Variants in ZFYVE9 observed in about 807,000 individuals in gnomAD.
ZFYVE9 encodes zinc finger FYVE-type containing 9.
In ZFYVE9, 43 loss-of-function variants were observed where a neutral mutation model predicts 126.7. The observed-to-expected ratio is 0.34, with a 90% CI of 0.27 to 0.44. The LOEUF is 0.44. Ranked by LOEUF, ZFYVE9 falls within the 20% of genes least tolerant of loss-of-function variation. The pLI is 1.00. For missense variants in ZFYVE9, 1,476 were observed against 1,697.0 expected (o/e 0.87, Z 2.29); for synonymous variants, 521 against 597.4 (o/e 0.87, Z 1.87).
At chr1:52,344,367 C>T (rs1646466220) in intron 17 of ZFYVE9, among the ~76,000 whole-genome samples, 1 of 152,226 alleles carries the variant, frequency 6.6e-6, no homozygotes, top group Non-Finnish European at 1.5e-5. Flanking sequence ...AATAAAGCAG[C>T]TGGGTCACGT....
At chr1:52,229,207 G>A (rs1217646142) in intron 2 of ZFYVE9, among the ~76,000 whole-genome samples, 2 of 152,154 alleles carry the variant, frequency 1.3e-5, no homozygotes, top group East Asian at 3.8e-4. Flanking sequence ...GATACAGAAT[G>A]TCTCACATTC....
intron 10 of ZFYVE9, among the ~76,000 whole-genome samples, chr1:52,291,843 A>C (rs1645923289): frequency 7.0e-6 from 1 of 143,494 alleles, no homozygotes; most frequent in Non-Finnish European, 1.5e-5. Flanking sequence ...ACACCACAGC[A>C]CTCCAGGGTT....
At chr1:52,338,696 TAAGTTAGATTCGACTTTTAATACATAGAG>T (rs1399068796) in intron 16 of ZFYVE9, among the ~76,000 whole-genome samples, 2 of 152,230 alleles carry the variant, frequency 1.3e-5, no homozygotes, top group Non-Finnish European at 2.9e-5. Flanking sequence ...TATGGAAGTT[TAAGTTAGATTCGACTTTTAATACATAGAG>T]ATTTGGCCGG....
chr1:52,160,792 G>A (rs1418639012), intron 1 of ZFYVE9, among the ~76,000 whole-genome samples: 2 of 152,144 alleles, frequency 1.3e-5, no homozygotes, highest in Non-Finnish European at 2.9e-5. Context: ...TCTCTTGAAT[G>A]TGTTTTTGTT....
At chr1:52,303,793 T>A (rs2147842158) in intron 12 of ZFYVE9, 28 bp from the exon 13 acceptor site, 1 of 1,442,256 alleles carries the variant, frequency 6.9e-7, no homozygotes, top group East Asian at 2.5e-5. Flanking sequence ...TGAATTAATT[T>A]ATTCTGCTTC....
intron 7 of ZFYVE9, among the ~76,000 whole-genome samples, chr1:52,271,275 A>G (rs1422283280): frequency 6.6e-6 from 1 of 152,186 alleles, no homozygotes; most frequent in Non-Finnish European, 1.5e-5. Flanking sequence ...GTGCTCTCAC[A>G]TTGTGCAACA....
chr1:52,239,318 C>G lies in ZFYVE9; in HGVS notation c.1901C>G (p.Pro634Arg), dbSNP rs375109668. ...AACTCAGCAACCAATGTATGCAGTCCATCTTTGGGAAACATCTCTAATGTC... is the reference window on the plus strand; with the variant it reads ...AACTCAGCAACCAATGTATGCAGTCGATCTTTGGGAAACATCTCTAATGTC... The part of the protein sequence containing the change: ...GENSATNVCS[P>R]SLGNISNVDT... Residue 634 changes from proline to arginine, a missense_variant, in exon 4 of 19, where the codon CCA (proline) becomes CGA (arginine). This residue lies in a region of ZFYVE9 where 807 missense variants were observed against 794.6 expected (regional missense o/e 1.02). Transcript: ENST00000287727. The G allele has an allele frequency of 5.6e-6, 9 of 1,613,986 alleles. No individual in the cohort carries two copies. The Middle Eastern group carries it at 8.2e-4, about 147-fold the overall frequency.
chr1:52,168,544 G>A (rs1465930544), intron 1 of ZFYVE9, among the ~76,000 whole-genome samples: 1 of 149,992 alleles, frequency 6.7e-6, no homozygotes, highest in Non-Finnish European at 1.5e-5. Context: ...AAGCAACAGG[G>A]TCTTGCTCTG....
intron 13 of ZFYVE9, among the ~76,000 whole-genome samples, chr1:52,316,668 C>T (rs916902059): frequency 1.3e-5 from 2 of 151,966 alleles, no homozygotes; most frequent in Non-Finnish European, 2.9e-5. Flanking sequence ...AAACATGTAT[C>T]TAAATAACAG....
rs537424547 is a variant in ZFYVE9, at chr1:52,270,302, C to T, written c.2625+1670C>T. Among the ~76,000 whole-genome samples the T allele has an allele frequency of 3.3e-5, 5 of 152,238 alleles. No homozygotes were observed. In the South Asian group the frequency reaches 1.0e-3, roughly 32 times the overall value. ...GTTTTGAGATGGAGTCTTGCTCTGT[C>T]GCCCAGGCTGGAGTGCAGTGGTGCG... On this transcript the variant is annotated intron_variant, in intron 7 of 18. Transcript: ENST00000287727.
intron 13 of ZFYVE9, among the ~76,000 whole-genome samples, chr1:52,326,387 A>G (rs1285311753): frequency 6.6e-6 from 1 of 152,174 alleles, no homozygotes; most frequent in Non-Finnish European, 1.5e-5. Context: ...TATATGTTTG[A>G]TGCTGTCCTA....
chr1:52,342,147 G>A (rs1222648403), intron 17 of ZFYVE9, among the ~76,000 whole-genome samples: 2 of 152,206 alleles, frequency 1.3e-5, no homozygotes, highest in Non-Finnish European at 1.5e-5. Context: ...ATCCAGGTAC[G>A]GGGCTTCGGA....
intron 4 of ZFYVE9, chr1:52,252,636 G>T (rs984268177): frequency 2.0e-5 from 6 of 298,626 alleles, no homozygotes; most frequent in Non-Finnish European, 3.5e-5. Flanking sequence ...GGAATTACAG[G>T]CATGAGCCAC....
chr1:52,324,873 G>A (rs775227134), intron 13 of ZFYVE9, among the ~76,000 whole-genome samples: 1 of 152,136 alleles, frequency 6.6e-6, no homozygotes. Flanking sequence ...AGTGGCTCAC[G>A]CCTGTCGTTC....
chr1:52,222,479 A>G (rs1258948569), intron 2 of ZFYVE9, among the ~76,000 whole-genome samples: 1 of 152,204 alleles, frequency 6.6e-6, no homozygotes, highest in Non-Finnish European at 1.5e-5. Context: ...ATTGGGAACA[A>G]CAGGGTGGGC....
At chr1:52,273,053 G>A (rs921679946) in intron 7 of ZFYVE9, among the ~76,000 whole-genome samples, 1 of 151,850 alleles carries the variant, frequency 6.6e-6, no homozygotes, top group Admixed American at 6.6e-5. Flanking sequence ...TGTTGCCCAG[G>A]CGGAGTGCAA....
chr1:52,184,904 C>G (rs557805518), intron 1 of ZFYVE9, among the ~76,000 whole-genome samples: 11 of 152,142 alleles, frequency 7.2e-5, no homozygotes, highest in African/African-American at 2.7e-4. Flanking sequence ...CCTGTAATCC[C>G]AGCACTTTGG....
At chr1:52,311,418 C>T (rs1389286680) in intron 13 of ZFYVE9, among the ~76,000 whole-genome samples, 1 of 152,112 alleles carries the variant, frequency 6.6e-6, no homozygotes, top group Non-Finnish European at 1.5e-5. Context: ...GCGTGCACCA[C>T]CACGCCCAGC....
chr1:52,316,818 A>C (rs1356235120), intron 13 of ZFYVE9, among the ~76,000 whole-genome samples: 1 of 152,198 alleles, frequency 6.6e-6, no homozygotes, highest in African/African-American at 2.4e-5. Context: ...ACTATGGAAA[A>C]CTTGAAGAAC....
Sources: allele counts gnomAD v4.1 joint callset (sites outside exome capture counted in the v4.1 genomes callset), GRCh38; gene constraint gnomAD v4.1.1; regional missense constraint gnomAD v4.1.1; transcripts MANE v1.5; gene names NCBI Gene and HGNC (gene_info 2026-07-23, HGNC 2026-07-21).